The following VPS13B variants were observed in gnomAD, a reference collection of about 807,000 sequenced individuals.
VPS13B encodes intermembrane lipid transfer protein VPS13B.
In VPS13B, 285 loss-of-function variants were observed where a neutral mutation model predicts 426.4. That is an observed-to-expected ratio of 0.67 (90% CI 0.61 to 0.74). The LOEUF (loss-of-function observed/expected upper bound fraction) is 0.74. Ranked by LOEUF, VPS13B falls within the 30% of genes least tolerant of loss-of-function variation. The pLI is 0.00. For synonymous variants in VPS13B, 1,676 were observed against 1,676.4 expected (o/e 1.00, Z 0.01); for missense variants, 4,537 against 4,782.6 (o/e 0.95, Z 1.51).
At chr8:99,835,454 A>G in intron 53 of VPS13B, 85 bp from the exon 54 acceptor site, 4 of 1,521,938 alleles carry the variant, frequency 2.6e-6, no homozygotes, top group Non-Finnish European at 3.6e-6. Flanking sequence ...TCTTTTTGAG[A>G]AGTTTCTTTT....
intron 16 of VPS13B, among the ~76,000 whole-genome samples, chr8:99,179,664 C>G (rs1588117844): frequency 6.6e-6 from 1 of 152,140 alleles, no homozygotes; most frequent in African/African-American, 2.4e-5. Flanking sequence ...TGATTTTACA[C>G]TGCTTTGTGT....
At chr8:99,409,384 G>A (rs1815498770) in intron 21 of VPS13B, among the ~76,000 whole-genome samples, 1 of 152,098 alleles carries the variant, frequency 6.6e-6, no homozygotes, top group Non-Finnish European at 1.5e-5. Context: ...TGCAGAATTA[G>A]GTGGCAAGGC....
intron 19 of VPS13B, among the ~76,000 whole-genome samples, chr8:99,304,209 C>T (rs909505569): frequency 6.6e-6 from 1 of 151,974 alleles, no homozygotes; most frequent in African/African-American, 2.4e-5. Flanking sequence ...TAAGATTTGG[C>T]ACATCAAAAT....
At chr8:99,467,700 T>C in intron 24 of VPS13B, 66 bp downstream of exon 24, 1 of 1,526,262 alleles carries the variant, frequency 6.6e-7, no homozygotes, top group South Asian at 1.1e-5. Context: ...TGTTATCCAT[T>C]TTGTTGAAGG....
At chr8:99,860,347 C>A (rs1474450793) in intron 57 of VPS13B, among the ~76,000 whole-genome samples, 2 of 152,130 alleles carry the variant, frequency 1.3e-5, no homozygotes, top group Non-Finnish European at 2.9e-5. Flanking sequence ...AAGGACACTC[C>A]CCCAGGCCTC....
intron 31 of VPS13B, among the ~76,000 whole-genome samples, chr8:99,560,119 TCC>T (rs1824826259): frequency 6.6e-6 from 1 of 152,204 alleles, no homozygotes; most frequent in African/African-American, 2.4e-5. Context: ...AAGAGGTCCT[TCC>T]CATCCCTTGT....
intron 36 of VPS13B, among the ~76,000 whole-genome samples, chr8:99,708,847 C>CTATA (rs199794709): frequency 4.7e-4 from 69 of 148,204 alleles, no homozygotes; most frequent in East Asian, 1.2e-3. Flanking sequence ...CTCTCTCTCT[C>CTATA]TCTATATATA....
At chr8:99,212,795 A>G (rs1269241498) in intron 17 of VPS13B, among the ~76,000 whole-genome samples, 5 of 152,126 alleles carry the variant, frequency 3.3e-5, no homozygotes, top group African/African-American at 1.2e-4. Flanking sequence ...ATTCTTTTCT[A>G]CCAATGTATG....
At chr8:99,383,736 C>T (rs1813964505) in intron 19 of VPS13B, among the ~76,000 whole-genome samples, 1 of 152,068 alleles carries the variant, frequency 6.6e-6, no homozygotes, top group African/African-American at 2.4e-5. Flanking sequence ...CTTTGTCAGG[C>T]TTATTTCACT....
intron 17 of VPS13B, among the ~76,000 whole-genome samples, chr8:99,202,061 A>G (rs930946457): frequency 2.0e-5 from 3 of 152,186 alleles, no homozygotes; most frequent in African/African-American, 7.2e-5. Context: ...TCATCCATCT[A>G]AAGATATTAC....
At chr8:99,138,936 T>G (rs1052337072) in intron 12 of VPS13B, among the ~76,000 whole-genome samples, 9 of 152,242 alleles carry the variant, frequency 5.9e-5, no homozygotes, top group African/African-American at 1.9e-4. Flanking sequence ...TCTCCTGCAG[T>G]TTTTAAAAGA....
chr8:99,592,373 C>T (rs1826734343), intron 33 of VPS13B, among the ~76,000 whole-genome samples: 1 of 151,984 alleles, frequency 6.6e-6, no homozygotes, highest in Non-Finnish European at 1.5e-5. Context: ...TGAGGAGCTA[C>T]GATCCTTTGG....
At position 99,863,335 on chromosome 8, in the gene VPS13B, T is replaced by G. The variant is rs899713722; in HGVS notation, c.11215+1389T>G. Among the ~76,000 whole-genome samples the G allele has an allele frequency of 1.3e-5, 2 of 152,282 alleles. 1 individual carries two copies. Among genetic ancestry groups the G allele is most frequent in the South Asian group, 4.1e-4 (2 of 4,834 alleles). ...TTTTCACTTAATCCAATGGATTAAG[T>G]GGCTGTAACCAGAGGAAGTGACAAT... is the stretch of plus-strand genomic sequence containing the variant. On this transcript the variant is annotated intron_variant, in intron 58 of 61. Coordinates refer to ENST00000357162, the MANE Select transcript of VPS13B (RefSeq NM_152564.5).
At chr8:99,573,584 A>G (rs1340431535) in intron 31 of VPS13B, among the ~76,000 whole-genome samples, 1 of 152,144 alleles carries the variant, frequency 6.6e-6, no homozygotes, top group Non-Finnish European at 1.5e-5. Context: ...TGTTTTTGTC[A>G]GGTTTGTCAA....
At chr8:99,701,369 G>T (rs1013284984) in intron 36 of VPS13B, among the ~76,000 whole-genome samples, 5 of 152,110 alleles carry the variant, frequency 3.3e-5, no homozygotes, top group Non-Finnish European at 7.4e-5. Context: ...CAAAATGGAA[G>T]AATTTAAACG....
intron 17 of VPS13B, among the ~76,000 whole-genome samples, chr8:99,266,413 T>TA (rs765523932): frequency 1.3e-5 from 2 of 151,276 alleles, no homozygotes; most frequent in African/African-American, 2.4e-5. Flanking sequence ...CTCTGTCTCT[T>TA]AAAAAAAAGA....
At chr8:99,170,473 T>G (rs940567465) in intron 16 of VPS13B, among the ~76,000 whole-genome samples, 21 of 151,608 alleles carry the variant, frequency 1.4e-4, no homozygotes, top group African/African-American at 5.1e-4. Context: ...TTTTCAAGAG[T>G]GGGTATAAAG....
At chr8:99,439,916 C>G (rs916749032) in intron 22 of VPS13B, among the ~76,000 whole-genome samples, 10 of 152,018 alleles carry the variant, frequency 6.6e-5, no homozygotes, top group Non-Finnish European at 4.4e-5. Context: ...TTTCAAATAG[C>G]ACATAAACTA....
chr8:99,057,579 A>G (rs1843946830), intron 3 of VPS13B, among the ~76,000 whole-genome samples: 1 of 152,154 alleles, frequency 6.6e-6, no homozygotes, highest in South Asian at 2.1e-4. Flanking sequence ...TTTAGTTATC[A>G]TTATATATTT....
Sources: allele counts gnomAD v4.1 joint callset (sites outside exome capture counted in the v4.1 genomes callset), GRCh38; gene constraint gnomAD v4.1.1; transcripts MANE v1.5; gene names NCBI Gene and HGNC (gene_info 2026-07-23, HGNC 2026-07-21).